Variants in LRRC37A2 observed in about 807,000 individuals in gnomAD.
LRRC37A2 encodes the protein leucine rich repeat containing 37 member A2, also known as leucine-rich repeat-containing protein 37A2.
In LRRC37A2, 9 loss-of-function variants were observed where a neutral mutation model predicts 68.8. The observed-to-expected ratio is 0.13, with a 90% confidence interval of 0.08 to 0.23. The LOEUF (loss-of-function observed/expected upper bound fraction) is 0.23. Ranked by LOEUF, LRRC37A2 falls within the 10% of genes least tolerant of loss-of-function variation. The pLI, the probability that LRRC37A2 is intolerant of heterozygous loss-of-function variation, is 1.00. For missense variants in LRRC37A2, 168 were observed against 950.4 expected, an observed-to-expected ratio of 0.18 and a Z score of 10.82; for synonymous variants, 63 against 367.6, an observed-to-expected ratio of 0.17 and a Z score of 9.48.
chr17:46,975,495 C>T, the LRRC37A2 span: 1 of 152,680 alleles, frequency 6.5e-6, no homozygotes, highest in Non-Finnish European at 1.5e-5. Context: ...GTGTTCCCGC[C>T]CCCTGCCCCA....
At chr17:46,736,557 T>G in the LRRC37A2 span, among the ~76,000 whole-genome samples, 1 of 152,240 alleles carries the variant, frequency 6.6e-6, no homozygotes, top group Non-Finnish European at 1.5e-5. Context: ...TATTTTGCTT[T>G]ATTGTTTCCT....
the LRRC37A2 span, among the ~76,000 whole-genome samples, chr17:46,753,359 T>C: frequency 3.9e-5 from 6 of 152,370 alleles, no homozygotes; most frequent in African/African-American, 1.4e-4. Context: ...TCTTTTCTGG[T>C]AAATTTATCT....
At chr17:47,035,346 G>A in the LRRC37A2 span, among the ~76,000 whole-genome samples, 25 of 152,232 alleles carry the variant, frequency 1.6e-4, no homozygotes, top group Middle Eastern at 3.4e-3. Flanking sequence ...CTCAGGCCCA[G>A]GTAACTACTA....
the LRRC37A2 span, chr17:47,033,504 T>C: frequency 6.3e-6 from 4 of 632,270 alleles, no homozygotes; most frequent in South Asian, 7.3e-5. Flanking sequence ...GAACCAGTTT[T>C]CCCTGACAGC....
the LRRC37A2 span, among the ~76,000 whole-genome samples, chr17:46,822,789 C>A: frequency 2.0e-5 from 3 of 152,050 alleles, no homozygotes; most frequent in Non-Finnish European, 2.9e-5. Context: ...CGGTCCAGGG[C>A]GCACTGGGGC....
At chr17:46,947,338 C>G in the LRRC37A2 span, among the ~76,000 whole-genome samples, 1 of 152,196 alleles carries the variant, frequency 6.6e-6, no homozygotes, top group Non-Finnish European at 1.5e-5. Flanking sequence ...ACCTGGCAAC[C>G]TGAACTACCC....
the LRRC37A2 span, among the ~76,000 whole-genome samples, chr17:46,962,069 T>A: frequency 1.3e-5 from 2 of 152,342 alleles, no homozygotes; most frequent in African/African-American, 4.8e-5. Flanking sequence ...CAGTGGCTCA[T>A]GCCTGTAATC....
the LRRC37A2 span, among the ~76,000 whole-genome samples, chr17:46,464,106 A>T: frequency 3.6e-5 from 1 of 27,984 alleles, no homozygotes; most frequent in African/African-American, 1.5e-4. Flanking sequence ...TGGTTCTAGC[A>T]GGTGTGGGTC....
chr17:47,033,502 T>C, the LRRC37A2 span: 2 of 634,908 alleles, frequency 3.2e-6, no homozygotes, highest in East Asian at 5.5e-5. Context: ...TGGAACCAGT[T>C]TTCCCTGACA....
chr17:46,658,281 C>G, the LRRC37A2 span, among the ~76,000 whole-genome samples: 1 of 4,000 alleles, frequency 2.5e-4, no homozygotes, highest in African/African-American at 2.1e-3. Context: ...CTTAAGCGAT[C>G]CACCCACCTT....
At chr17:46,723,867 T>G in the LRRC37A2 span, among the ~76,000 whole-genome samples, 1 of 152,216 alleles carries the variant, frequency 6.6e-6, no homozygotes, top group Non-Finnish European at 1.5e-5. Flanking sequence ...AGGAAAATGT[T>G]TCTAAAACAT....
chr17:46,840,172 C>T, the LRRC37A2 span, among the ~76,000 whole-genome samples: 5 of 149,630 alleles, frequency 3.3e-5, no homozygotes, highest in South Asian at 4.3e-4. Context: ...CTGCAAGCTC[C>T]GCCTCCTGGA....
the LRRC37A2 span, among the ~76,000 whole-genome samples, chr17:46,747,407 G>A: frequency 1.3e-5 from 2 of 151,978 alleles, no homozygotes; most frequent in Non-Finnish European, 1.5e-5. Context: ...CAGGCTCCCA[G>A]GTACCTGGGA....
At chr17:46,810,956 C>T in the LRRC37A2 span, among the ~76,000 whole-genome samples, 2 of 152,126 alleles carry the variant, frequency 1.3e-5, no homozygotes, top group Non-Finnish European at 2.9e-5. Flanking sequence ...TCTGGCATCT[C>T]CTTCATTCCC....
the LRRC37A2 span, among the ~76,000 whole-genome samples, chr17:46,741,020 T>C: frequency 1.3e-5 from 2 of 152,270 alleles, no homozygotes; most frequent in South Asian, 4.1e-4. Flanking sequence ...ATTGCTGATA[T>C]GGGGCTTGTG....
the LRRC37A2 span, among the ~76,000 whole-genome samples, chr17:46,967,496 G>A: frequency 6.6e-5 from 10 of 152,324 alleles, no homozygotes. Context: ...GCTTGGTCTT[G>A]GAGGGTAAGT....
the LRRC37A2 span, chr17:46,923,100 T>C: frequency 2.3e-6 from 2 of 873,516 alleles, no homozygotes; most frequent in African/African-American, 1.7e-5. Context: ...GGAGGGAGGG[T>C]CCTGCGACCG....
At chr17:46,723,465 T>C in the LRRC37A2 span, among the ~76,000 whole-genome samples, 3 of 152,236 alleles carry the variant, frequency 2.0e-5, no homozygotes, top group Non-Finnish European at 4.4e-5. Flanking sequence ...TTGTCTCGAA[T>C]GTACCAACTC....
chr17:46,443,805 TTTATTATTA>T, the LRRC37A2 span, among the ~76,000 whole-genome samples: 1 of 22,114 alleles, frequency 4.5e-5, no homozygotes, highest in African/African-American at 1.9e-4. Context: ...TACATTTCTT[TTTATTATTA>T]TTATTATTAT....
Sources: allele counts gnomAD v4.1 joint callset (sites outside exome capture counted in the v4.1 genomes callset), GRCh38; gene constraint gnomAD v4.1.1; transcripts MANE v1.5; gene names NCBI Gene and HGNC (gene_info 2026-07-23, HGNC 2026-07-21).